IBTK: variants seen among roughly 807,000 people sequenced by gnomAD.
IBTK encodes inhibitor of Bruton tyrosine kinase.
Under a neutral mutation model 154.9 loss-of-function variants are expected in IBTK, and 83 were observed. The observed-to-expected ratio is 0.54, with a 90% CI of 0.45 to 0.64. The LOEUF (loss-of-function observed/expected upper bound fraction) is 0.64. Ranked by LOEUF, IBTK falls within the 30% of genes least tolerant of loss-of-function variation. IBTK has a pLI of 0.00. For synonymous variants in IBTK, 515 were observed against 536.1 expected (o/e 0.96, Z 0.54); for missense variants, 1,332 against 1,584.6 (o/e 0.84, Z 2.71).
Position 82,191,660 on chromosome 6 carries a change from A to G in IBTK, c.3431+127T>C, listed in dbSNP as rs1289986511. ...TAATATTATGGAGGCTAAATTGCCC[A>G]GAAAAGGATGTATAATTAACTATAA... On this transcript the variant is annotated intron_variant, in intron 24 of 28. Transcript: ENST00000306270. 6 of 730,264 alleles carry G rather than the reference A, an allele frequency of 8.2e-6. No homozygotes were observed. The Admixed American group carries it at 1.2e-4, about 15-fold the overall frequency. The allele number at this position is 730,264 out of a possible 1,614,324, so 45.2% of individuals were successfully genotyped here.
chr6:82,181,844 T>C (rs757084649), intron 26 of IBTK, 35 bp downstream of exon 26: 4 of 1,417,076 alleles, frequency 2.8e-6, no homozygotes, highest in Non-Finnish European at 9.6e-7. Flanking sequence ...TATTTTAAGG[T>C]AGAAAATGTA....
chr6:82,227,085 GTAT>G (rs1033353836), intron 5 of IBTK, 104 bp downstream of exon 5: 2 of 625,998 alleles, frequency 3.2e-6, no homozygotes, highest in African/African-American at 1.9e-5. Flanking sequence ...ATCAATTGAT[GTAT>G]TATTTCGTCC....
At chr6:82,193,528 C>T (rs114346261) in intron 23 of IBTK, among the ~76,000 whole-genome samples, 1,807 of 152,134 alleles carry the variant, frequency 0.012, 31 homozygotes, top group African/African-American at 0.039. Flanking sequence ...AAAATATAGC[C>T]TATTTCAAAA....
In IBTK at chr6:82,215,445, T is replaced by C. The variant is rs944576218; in HGVS notation, c.1602-616A>G. On this transcript the variant is annotated intron_variant, in intron 11 of 28. Coordinates refer to ENST00000306270, the MANE Select transcript of IBTK (RefSeq NM_015525.4). Reference sequence around the variant, plus strand: ...TTGCAAACTGCCTAAGAAATATTTATAATACATTTTTCAGAATCTGAGAAC... The same window carrying C: ...TTGCAAACTGCCTAAGAAATATTTACAATACATTTTTCAGAATCTGAGAAC... Among the ~76,000 whole-genome samples the C allele has an allele frequency of 2.0e-5, 3 of 152,278 alleles. No individual in the cohort carries two copies. In the East Asian group the frequency reaches 5.8e-4, roughly 29 times the overall value.
intron 21 of IBTK, 23 bp from the exon 22 acceptor site, chr6:82,196,469 A>G: frequency 1.9e-6 from 3 of 1,542,536 alleles, no homozygotes; most frequent in Non-Finnish European, 2.7e-6. Flanking sequence ...ATTAAAAAAA[A>G]TTAAACACAT....
rs748865644 is a variant in IBTK at position 82,218,075 on chromosome 6, C to G, written c.1311G>C (p.Gln437His). Reference sequence around the variant, plus strand: ...TTAAAGCAATATCAGAAATGAAGACCTGACGTGGATAGGCCCATCGACACT... The same window carrying G: ...TTAAAGCAATATCAGAAATGAAGACGTGACGTGGATAGGCCCATCGACACT... Reference protein sequence around the residue: ...LKQCRWAYPRQVFISDIALNR... With the variant: ...LKQCRWAYPRHVFISDIALNR... The change falls in exon 10 of 29, where the codon CAG (glutamine) becomes CAC (histidine). Residue 437 changes from glutamine (Q) to histidine (H), a missense_variant. By Grantham distance (24) the Gln-to-His change is conservative. Transcript: ENST00000306270. 1.4e-5 allele frequency: 23 copies of G among 1,612,204 alleles called. No homozygotes were observed. Among genetic ancestry groups the G allele is most frequent in the Non-Finnish European group, 2.0e-5 (23 of 1,179,118 alleles).
intron 21 of IBTK, among the ~76,000 whole-genome samples, chr6:82,197,578 G>A (rs988048268): frequency 2.6e-5 from 4 of 151,882 alleles, no homozygotes; most frequent in Non-Finnish European, 5.9e-5. Context: ...TCACCATATT[G>A]GCCAGGCTGG....
In IBTK at chr6:82,240,584, G is replaced by T; in HGVS notation, c.-98C>A. ...AAGGTGCTATTGAGGAAGTTACAGA[G>T]AATAAATTACCTTTTTAGGATAATT... On this transcript the variant is annotated 5_prime_UTR_variant, in exon 2 of 29. Transcript: ENST00000306270. The T allele has an allele frequency of 1.1e-6, 1 of 918,654 alleles. No homozygotes were observed. Among genetic ancestry groups the T allele is most frequent in the Non-Finnish European group, 1.7e-6 (1 of 604,976 alleles). 56.9% of individuals were successfully genotyped at this position (918,654 alleles called of 1,614,324 possible).
chr6:82,183,683 T>C (rs1386009576), intron 25 of IBTK, among the ~76,000 whole-genome samples: 3 of 152,024 alleles, frequency 2.0e-5, no homozygotes, highest in Admixed American at 6.6e-5. Context: ...TTAAAAAAAA[T>C]AGAAAGTTGG....
At chr6:82,245,170 G>A (rs1771097278) in intron 1 of IBTK, among the ~76,000 whole-genome samples, 1 of 152,128 alleles carries the variant, frequency 6.6e-6, no homozygotes, top group East Asian at 1.9e-4. Context: ...CTATGGTCAA[G>A]ATAAAACAAG....
rs764004412 is a variant in IBTK at position 82,214,680 on chromosome 6, A to C, written c.1751T>G (p.Val584Gly). 1.9e-6 allele frequency: 3 copies of C among 1,614,106 alleles called. No homozygotes were observed. The highest frequency in any genetic ancestry group is 2.5e-6 in the Non-Finnish European group (3 of 1,179,994). Residue 584 changes from valine to glycine, a missense_variant, in exon 12 of 29, where the codon GTG (valine) becomes GGG (glycine). Coordinates refer to ENST00000306270, the MANE Select transcript of IBTK (RefSeq NM_015525.4). ...CAATTTCTGAAAAAAATCAGAATGC[A>C]CTGCCAAAATATATTTATGTGCAGG... ...LFPAHKYILA[V>G]HSDFFQKLFL...
At chr6:82,234,284 A>T in intron 2 of IBTK, 29 bp from the exon 3 acceptor site, 1 of 851,962 alleles carries the variant, frequency 1.2e-6, no homozygotes, top group Non-Finnish European at 1.7e-6. Flanking sequence ...CAAATACATA[A>T]ATATATATAT....
At chr6:82,201,557 A>C (rs1478087476) in intron 18 of IBTK, 75 bp from the exon 19 acceptor site, 4 of 918,718 alleles carry the variant, frequency 4.4e-6, no homozygotes, top group Admixed American at 2.4e-5. Context: ...ACATACGTAG[A>C]TATTTCATAT....
At chr6:82,189,836 A>G (rs1214632809) in intron 25 of IBTK, among the ~76,000 whole-genome samples, 2 of 152,198 alleles carry the variant, frequency 1.3e-5, no homozygotes, top group African/African-American at 4.8e-5. Context: ...TCAAACTGCA[A>G]TTTAGTACTT....
intron 9 of IBTK, among the ~76,000 whole-genome samples, chr6:82,219,401 T>C (rs1220198845): frequency 6.6e-6 from 1 of 152,194 alleles, no homozygotes; most frequent in African/African-American, 2.4e-5. Context: ...TGTCAAACTT[T>C]ACAGCACATT....
intron 4 of IBTK, among the ~76,000 whole-genome samples, chr6:82,230,616 T>C (rs181010473): frequency 6.6e-6 from 1 of 152,146 alleles, no homozygotes; most frequent in African/African-American, 2.4e-5. Flanking sequence ...ATTTAGAATT[T>C]GAGATTTATA....
chr6:82,200,327 A>G (rs1261439725), intron 20 of IBTK, 74 bp from the exon 21 acceptor site: 12 of 1,025,550 alleles, frequency 1.2e-5, no homozygotes, highest in Non-Finnish European at 1.0e-5. Flanking sequence ...TTAACCCAAC[A>G]TGTTTAACCT....
At chr6:82,175,827 C>T (rs1299855593) in intron 26 of IBTK, among the ~76,000 whole-genome samples, 1 of 151,824 alleles carries the variant, frequency 6.6e-6, no homozygotes, top group Non-Finnish European at 1.5e-5. Context: ...GTCAGGAGTT[C>T]GAGACCACCC....
chr6:82,191,232 A>G lies in IBTK; in HGVS notation c.3432-16T>C. On this transcript the variant is annotated splice_polypyrimidine_tract_variant and intron_variant, in intron 24 of 28. Transcript: ENST00000306270. ...AACTGTTTTGCTAGAAATTAAACCA[A>G]TTAGTTTCAGTGGTTTCTTCTGACA... 1.9e-6 allele frequency: 3 copies of G among 1,592,658 alleles called. No individual in the cohort carries two copies. The highest frequency in any genetic ancestry group is 2.6e-6 in the Non-Finnish European group (3 of 1,172,300).
Sources: gnomAD v4.1 joint callset for allele counts (sites outside exome capture counted in the v4.1 genomes callset) on GRCh38, gnomAD v4.1.1 for gene constraint, MANE v1.5 for transcripts, NCBI Gene and HGNC (gene_info 2026-07-23, HGNC 2026-07-21) for gene names.